MKLN1: variants seen among roughly 807,000 people sequenced by gnomAD.
MKLN1 encodes the protein muskelin 1.
In MKLN1, 18 loss-of-function variants were observed where a neutral mutation model predicts 99.0. The ratio of observed to expected loss-of-function variants is 0.18; its 90% CI spans 0.13 to 0.27. The LOEUF (loss-of-function observed/expected upper bound fraction) is 0.27, where lower values mean the gene tolerates loss of function less well. Ranked by LOEUF, MKLN1 falls within the 10% of genes least tolerant of loss-of-function variation. The pLI, the probability that MKLN1 is intolerant of heterozygous loss-of-function variation, is 1.00. For synonymous variants in MKLN1, 288 were observed against 293.2 expected, an observed-to-expected ratio of 0.98 and a Z score of 0.18; for missense variants, 621 against 875.9, an observed-to-expected ratio of 0.71 and a Z score of 3.67.
At chr7:131,454,005 A>G (rs1563356836) in intron 12 of MKLN1, among the ~76,000 whole-genome samples, 1 of 150,612 alleles carries the variant, frequency 6.6e-6, no homozygotes, top group Non-Finnish European at 1.5e-5. Flanking sequence ...GAATGTTGGT[A>G]TGGCCATGAG....
chr7:131,245,072 A>C (rs972263005), intron 3 of MKLN1, among the ~76,000 whole-genome samples: 2 of 152,166 alleles, frequency 1.3e-5, no homozygotes, highest in Non-Finnish European at 2.9e-5. Flanking sequence ...GCATATAAAA[A>C]AGCCCAGTGA....
chr7:131,166,685 A>G (rs999242624), intron 2 of MKLN1, among the ~76,000 whole-genome samples: 2 of 151,900 alleles, frequency 1.3e-5, no homozygotes, highest in Non-Finnish European at 1.5e-5. Context: ...TTATTCAAAT[A>G]TGTTTTGTTT....
chr7:131,333,180 T>C (rs1799129861), intron 1 of MKLN1, among the ~76,000 whole-genome samples: 2 of 152,086 alleles, frequency 1.3e-5, no homozygotes, highest in East Asian at 3.8e-4. Context: ...TGCTTTGGCC[T>C]CCCTAAGTGC....
intron 2 of MKLN1, among the ~76,000 whole-genome samples, chr7:131,161,963 GTATATATA>G (rs71168374): frequency 0.06 from 6,527 of 109,108 alleles, 224 homozygotes; most frequent in African/African-American, 0.11. Context: ...GTGTGTGTGT[GTATATATA>G]TATATATATA....
At chr7:131,172,260 C>G (rs191404907) in intron 2 of MKLN1, among the ~76,000 whole-genome samples, 1 of 151,606 alleles carries the variant, frequency 6.6e-6, no homozygotes, top group South Asian at 2.1e-4. Context: ...CCTATCTCAG[C>G]CTCCCAAGTA....
At chr7:131,218,970 G>A (rs1797023930) in intron 3 of MKLN1, among the ~76,000 whole-genome samples, 2 of 152,140 alleles carry the variant, frequency 1.3e-5, no homozygotes, top group African/African-American at 4.8e-5. Flanking sequence ...TAATTTATGA[G>A]TGTGATTACA....
chr7:131,281,209 CT>C (rs544553907), intron 3 of MKLN1, among the ~76,000 whole-genome samples: 163 of 142,784 alleles, frequency 1.1e-3, no homozygotes, highest in East Asian at 4.1e-3. Context: ...TTGAGTTATT[CT>C]TTTTTTTTTT....
intron 3 of MKLN1, among the ~76,000 whole-genome samples, chr7:131,297,346 C>G (rs185546730): frequency 1.3e-5 from 2 of 151,272 alleles, no homozygotes; most frequent in East Asian, 2.0e-4. Context: ...GGTGACAGAG[C>G]GAGACTCCGT....
intron 3 of MKLN1, among the ~76,000 whole-genome samples, chr7:131,296,843 C>T (rs559734339): frequency 6.6e-6 from 1 of 152,252 alleles, no homozygotes; most frequent in South Asian, 2.1e-4. Flanking sequence ...ATCAAGCGAT[C>T]CTTCCACCTC....
intron 2 of MKLN1, among the ~76,000 whole-genome samples, chr7:131,376,139 T>TATA (rs1563318314): frequency 0.015 from 123 of 8,240 alleles, no homozygotes; most frequent in African/African-American, 0.035. Flanking sequence ...TATATATGTA[T>TATA]GATGTATGTA....
At chr7:131,285,267 G>T (rs1310274788) in intron 3 of MKLN1, among the ~76,000 whole-genome samples, 1 of 152,228 alleles carries the variant, frequency 6.6e-6, no homozygotes, top group African/African-American at 2.4e-5. Flanking sequence ...GAGGAGTGAT[G>T]TGAAGGTCAG....
At chr7:131,306,768 T>C (rs1259093059) in intron 3 of MKLN1, among the ~76,000 whole-genome samples, 1 of 152,072 alleles carries the variant, frequency 6.6e-6, no homozygotes. Context: ...GTTTGGAAAA[T>C]TTGCAGCCTG....
intron 2 of MKLN1, among the ~76,000 whole-genome samples, chr7:131,195,895 G>A (rs1018711115): frequency 5.9e-5 from 9 of 152,166 alleles, no homozygotes; most frequent in African/African-American, 2.2e-4. Flanking sequence ...AGGTTGCAGT[G>A]AGCCGAGATT....
chr7:131,392,923 T>C (rs892933642), intron 4 of MKLN1, among the ~76,000 whole-genome samples: 1 of 151,496 alleles, frequency 6.6e-6, no homozygotes, highest in Non-Finnish European at 1.5e-5. Flanking sequence ...TTTTTTTTTT[T>C]AAGAGGCAGA....
Position 131,493,634 on chromosome 7 carries a change from G to A in MKLN1, c.*5906G>A, listed in dbSNP as rs930087648. The A allele has an allele frequency of 2.0e-5, 3 of 152,166 alleles. No individual in the cohort carries two copies. Among genetic ancestry groups the A allele is most frequent in the Non-Finnish European group, 2.9e-5 (2 of 68,022 alleles). The allele number at this position is 152,166 out of a possible 1,614,324, so 9.4% of individuals were successfully genotyped here. ...TAATGGGCTCTAGATCTTAAACTAG[G>A]TGAGCAGCTTCTTACATACAACCAG... On this transcript the variant is annotated 3_prime_UTR_variant, in exon 18 of 18. Transcript: ENST00000352689.
chr7:131,470,717 C>T, intron 15 of MKLN1, 125 bp from the exon 16 acceptor site: 4 of 667,802 alleles, frequency 6.0e-6, no homozygotes, highest in Non-Finnish European at 1.0e-5. Flanking sequence ...CCTAAACTGA[C>T]ATTTTCTAAA....
At chr7:131,150,872 GATAA>G (rs1176704322) in intron 2 of MKLN1, among the ~76,000 whole-genome samples, 28 of 152,012 alleles carry the variant, frequency 1.8e-4, no homozygotes, top group Admixed American at 1.7e-3. Context: ...AGGAAGATTA[GATAA>G]ATAAAATGTC....
At chr7:131,116,778 T>C (rs1795284358) in intron 1 of MKLN1, among the ~76,000 whole-genome samples, 1 of 152,046 alleles carries the variant, frequency 6.6e-6, no homozygotes, top group Non-Finnish European at 1.5e-5. Flanking sequence ...TATGTAATAA[T>C]AAAAGGCATG....
intron 1 of MKLN1, among the ~76,000 whole-genome samples, chr7:131,373,663 GA>G (rs1204682517): frequency 6.6e-6 from 1 of 152,074 alleles, no homozygotes; most frequent in Non-Finnish European, 1.5e-5. Flanking sequence ...TAGGTTTATG[GA>G]AAAGTTGCAA....
Sources: gnomAD v4.1 joint callset for allele counts (sites outside exome capture counted in the v4.1 genomes callset) on GRCh38, gnomAD v4.1.1 for gene constraint, MANE v1.5 for transcripts, NCBI Gene and HGNC (gene_info 2026-07-23, HGNC 2026-07-21) for gene names.